Variants in KPNA7 observed in about 807,000 individuals in gnomAD.
KPNA7 encodes the protein importin subunit alpha-8.
KPNA7 carries 54 observed loss-of-function variants against 53.7 expected under a neutral mutation model. That is an observed-to-expected ratio of 1.01 (90% CI 0.81 to 1.26). KPNA7 has a LOEUF of 1.26. KPNA7 is among the 50% of genes most tolerant of loss of function. The probability of loss-of-function intolerance (pLI) is 0.00; values close to 1 mark genes in which losing one functional copy is unlikely to be tolerated. For synonymous variants in KPNA7, 276 were observed against 259.3 expected, an observed-to-expected ratio of 1.06 and a Z score of -0.62; for missense variants, 640 against 644.5, an observed-to-expected ratio of 0.99 and a Z score of 0.07.
chr7:99,198,357 C>T (rs2150756989), intron 3 of KPNA7, among the ~76,000 whole-genome samples: 1 of 152,166 alleles, frequency 6.6e-6, no homozygotes. Flanking sequence ...CTTATAACTA[C>T]TGATGCAAAA....
chr7:99,187,812 A>ACCC (rs1789691786), intron 7 of KPNA7, among the ~76,000 whole-genome samples: 1 of 127,096 alleles, frequency 7.9e-6, no homozygotes, highest in African/African-American at 3.1e-5. Flanking sequence ...AAAAAAAAAA[A>ACCC]AAAAAAAAAA....
intron 3 of KPNA7, among the ~76,000 whole-genome samples, chr7:99,197,383 T>C (rs1341411820): frequency 6.6e-6 from 1 of 152,178 alleles, no homozygotes; most frequent in Admixed American, 6.6e-5. Flanking sequence ...AAAATCTGAT[T>C]TCTAGAGTTG....
At chr7:99,211,286 G>A (rs771268341), upstream of KPNA7, among the ~76,000 whole-genome samples, 1 of 152,152 alleles carries the variant, frequency 6.6e-6, no homozygotes, top group Non-Finnish European at 1.5e-5. Context: ...CAGGTGTGGT[G>A]GCACATGTGC....
chr7:99,171,926 C>T (rs1798778025), downstream of KPNA7, among the ~76,000 whole-genome samples: 1 of 152,156 alleles, frequency 6.6e-6, no homozygotes, highest in Non-Finnish European at 1.5e-5. Context: ...TGACAGAGCT[C>T]TCCAGTGGGT....
intron 8 of KPNA7, among the ~76,000 whole-genome samples, chr7:99,183,841 ATGTTTTTTTGTTTT>A (rs1343601443): frequency 6.6e-6 from 1 of 152,044 alleles, no homozygotes; most frequent in Non-Finnish European, 1.5e-5. Flanking sequence ...AGGAGAAATA[ATGTTTTTTTGTTTT>A]TGTTTTTTTG....
At chr7:99,191,304 C>T (rs1446641567) in intron 6 of KPNA7, among the ~76,000 whole-genome samples, 5 of 151,724 alleles carry the variant, frequency 3.3e-5, no homozygotes, top group Non-Finnish European at 7.4e-5. Flanking sequence ...AGTACAGGTG[C>T]GTGCCACCAC....
chr7:99,171,474 C>A (rs1798768467), downstream of KPNA7, among the ~76,000 whole-genome samples: 1 of 152,180 alleles, frequency 6.6e-6, no homozygotes, highest in African/African-American at 2.4e-5. Flanking sequence ...TGGGGTCTCA[C>A]TTCATAGCCC....
At chr7:99,179,800 C>CCT (rs1799082937) in intron 9 of KPNA7, among the ~76,000 whole-genome samples, 1 of 151,850 alleles carries the variant, frequency 6.6e-6, no homozygotes, top group East Asian at 1.9e-4. Context: ...GTCTTGAAGT[C>CCT]CTGACCTCAG....
At chr7:99,145,841 T>C in the KPNA7 span, among the ~76,000 whole-genome samples, 3 of 152,140 alleles carry the variant, frequency 2.0e-5, no homozygotes, top group African/African-American at 7.2e-5. Flanking sequence ...GAGTCTCTCC[T>C]GGGCAGGATT....
At chr7:99,179,573 T>A (rs1277780012) in intron 9 of KPNA7, among the ~76,000 whole-genome samples, 1 of 150,180 alleles carries the variant, frequency 6.7e-6, no homozygotes, top group East Asian at 1.9e-4. Context: ...ATATATATAT[T>A]TATATTATTT....
In KPNA7 at chr7:99,201,647, AG is replaced by A. The variant is rs1403943676; in HGVS notation, c.201+1458del. Reference sequence around the variant, plus strand: ...CACTGCACTCCAGCCTGGGCGACAGAGTGAGACTCTGTCTCAAAAAAAAAAA... The same window carrying A: ...CACTGCACTCCAGCCTGGGCGACAGATGAGACTCTGTCTCAAAAAAAAAAA... On this transcript the variant is annotated intron_variant, in intron 3 of 10. Transcript: ENST00000327442. Among the ~76,000 whole-genome samples the A allele has an allele frequency of 2.7e-5, 4 of 148,156 alleles. No homozygotes were observed. The Admixed American group carries it at 2.7e-4, about 10-fold the overall frequency.
chr7:99,210,830 T>TC (rs1471598071), upstream of KPNA7, among the ~76,000 whole-genome samples: 1 of 151,668 alleles, frequency 6.6e-6, no homozygotes, highest in Non-Finnish European at 1.5e-5. Context: ...AAAGCAATCC[T>TC]CCCCCTCAGC....
chr7:99,158,461 C>CTCAATT, the KPNA7 span, among the ~76,000 whole-genome samples: 5 of 151,860 alleles, frequency 3.3e-5, no homozygotes, highest in Non-Finnish European at 7.4e-5. Context: ...GGGAAATATC[C>CTCAATT]TCAATTTCAT....
chr7:99,218,308 CT>C (rs563947194), intron 1 of KPNA7, among the ~76,000 whole-genome samples: 13 of 151,396 alleles, frequency 8.6e-5, no homozygotes, highest in African/African-American at 3.1e-4. Context: ...ATTTTTTTTT[CT>C]TTTTTTTGTA....
At chr7:99,196,047 T>G in intron 4 of KPNA7, 37 bp downstream of exon 4, 1 of 1,518,908 alleles carries the variant, frequency 6.6e-7, no homozygotes, top group Non-Finnish European at 9.0e-7. Context: ...CATTGCTAAC[T>G]ATGAACCTGC....
chr7:99,169,899 G>A (rs568934853), downstream of KPNA7, among the ~76,000 whole-genome samples: 17 of 152,096 alleles, frequency 1.1e-4, no homozygotes, highest in South Asian at 4.1e-4. Flanking sequence ...AAATTAGCCG[G>A]GCATGGTGGC....
the KPNA7 span, among the ~76,000 whole-genome samples, chr7:99,153,428 T>C: frequency 6.6e-6 from 1 of 151,624 alleles, no homozygotes; most frequent in African/African-American, 2.4e-5. Flanking sequence ...CATGTGCCTG[T>C]AATCCCAGCT....
chr7:99,210,890 C>T (rs1791051717), upstream of KPNA7, among the ~76,000 whole-genome samples: 1 of 151,916 alleles, frequency 6.6e-6, no homozygotes, highest in Non-Finnish European at 1.5e-5. Flanking sequence ...CTGGCCCCAA[C>T]TTTGAATGTT....
chr7:99,203,244 G>A lies in KPNA7; in HGVS notation c.67-4C>T. 1 of 1,549,484 alleles carries A rather than the reference G, an allele frequency of 6.5e-7. No individual in the cohort carries two copies. Among genetic ancestry groups the A allele is most frequent in the Non-Finnish European group, 8.7e-7 (1 of 1,145,086 alleles). On this transcript the variant is annotated splice_region_variant and splice_polypyrimidine_tract_variant and intron_variant, in intron 2 of 10. Coordinates refer to ENST00000327442, the MANE Select transcript of KPNA7 (RefSeq NM_001145715.3). Reference sequence around the variant, plus strand: ...CCATCCTCTGCTGTCGCCTCAGCTAGTGAGGAAAAGAAATTGGAGCATTTA... The same window carrying A: ...CCATCCTCTGCTGTCGCCTCAGCTAATGAGGAAAAGAAATTGGAGCATTTA...
Sources: allele counts gnomAD v4.1 joint callset (sites outside exome capture counted in the v4.1 genomes callset), GRCh38; gene constraint gnomAD v4.1.1; transcripts MANE v1.5; gene names NCBI Gene and HGNC (gene_info 2026-07-23, HGNC 2026-07-21).